The following DGLUCY variants were observed in gnomAD, a reference collection of about 807,000 sequenced individuals.
DGLUCY encodes the protein D-glutamate cyclase, mitochondrial.
DGLUCY carries 58 observed loss-of-function variants against 58.5 expected under a neutral mutation model. That is an observed-to-expected ratio of 0.99 (90% CI 0.80 to 1.23). The LOEUF (loss-of-function observed/expected upper bound fraction) is 1.23, where lower values mean the gene tolerates loss of function less well. DGLUCY is among the 50% of genes most tolerant of loss of function. The pLI is 0.00. For synonymous variants in DGLUCY, 325 were observed against 314.1 expected (o/e 1.03, Z -0.37); for missense variants, 779 against 784.7 (o/e 0.99, Z 0.09).
intron 11 of DGLUCY, among the ~76,000 whole-genome samples, chr14:91,201,168 G>A (rs572631104): frequency 4.6e-5 from 7 of 152,274 alleles, no homozygotes; most frequent in Admixed American, 1.3e-4. Context: ...CGATGGTGGA[G>A]TGTCATCAGT....
chr14:91,096,513 C>T (rs1268254390), intron 1 of DGLUCY, among the ~76,000 whole-genome samples: 1 of 152,090 alleles, frequency 6.6e-6, no homozygotes, highest in East Asian at 1.9e-4. Context: ...CTCCTGGGGC[C>T]AAGTCAGTAA....
At chr14:91,157,086 GATGGATGA>G (rs1400362075) in intron 1 of DGLUCY, among the ~76,000 whole-genome samples, 5 of 147,242 alleles carry the variant, frequency 3.4e-5, no homozygotes, top group African/African-American at 9.9e-5. Context: ...TGGATGGATG[GATGGATGA>G]ATGGGTGGAT....
chr14:91,177,673 T>C (rs1023104365), intron 7 of DGLUCY, among the ~76,000 whole-genome samples: 9 of 152,270 alleles, frequency 5.9e-5, no homozygotes, highest in African/African-American at 2.2e-4. Flanking sequence ...TGTAAGCACA[T>C]ACTGTAGTGT....
intron 2 of DGLUCY, chr14:91,158,881 G>A (rs2047812774): frequency 6.6e-6 from 1 of 150,400 alleles, no homozygotes. Flanking sequence ...CCAGGCTGGA[G>A]TGCAGTGGCG....
intron 4 of DGLUCY, among the ~76,000 whole-genome samples, chr14:91,169,699 C>T (rs531945007): frequency 6.6e-6 from 1 of 151,390 alleles, no homozygotes; most frequent in South Asian, 2.1e-4. Flanking sequence ...CATGAGCCAC[C>T]GTGCCTGGCC....
chr14:91,160,382 T>A lies in DGLUCY; in HGVS notation c.88T>A (p.Ser30Thr), dbSNP rs2047908055. 3 of 1,377,482 alleles carry A rather than the reference T, an allele frequency of 2.2e-6. No individual in the cohort carries two copies. Among genetic ancestry groups the A allele is most frequent in the African/African-American group, 1.7e-5 (1 of 57,288 alleles). The allele number at this position is 1,377,482 out of a possible 1,614,324, so 85.3% of individuals were successfully genotyped here. The part of the protein sequence containing the change: ...LQKKPNIRNT[S>T]SMAGELRPAS... Reference sequence around the variant, plus strand: ...AAAGAAACCAAACATCAGAAATACATCCAGCATGGCTGGAGGTAAGTGGTG... The same window carrying A: ...AAAGAAACCAAACATCAGAAATACAACCAGCATGGCTGGAGGTAAGTGGTG... The change falls in exon 3 of 14, where the codon TCC becomes ACC. Residue 30 changes from serine (S) to threonine (T), a missense_variant. Physicochemically the swap from Ser to Thr is moderately conservative, Grantham distance 58. Coordinates refer to ENST00000256324, the MANE Select transcript of DGLUCY (RefSeq NM_001102368.3).
chr14:91,148,493 A>C (rs966246208), intron 1 of DGLUCY: 1 of 151,966 alleles, frequency 6.6e-6, no homozygotes, highest in Non-Finnish European at 1.5e-5. Context: ...GGCATGAGCC[A>C]CTGTGCCTGG....
intron 1 of DGLUCY, among the ~76,000 whole-genome samples, chr14:91,132,480 T>G (rs2046076874): frequency 8.7e-6 from 1 of 114,800 alleles, no homozygotes; most frequent in Admixed American, 9.3e-5. Context: ...AACTTTTTCT[T>G]TTTTTTTTTT....
chr14:91,159,968 C>T (rs2047884258), intron 2 of DGLUCY, among the ~76,000 whole-genome samples: 1 of 152,100 alleles, frequency 6.6e-6, no homozygotes, highest in Non-Finnish European at 1.5e-5. Flanking sequence ...GAGCCCAGCA[C>T]CAGCCTTTTG....
intron 9 of DGLUCY, 57 bp from the exon 10 acceptor site, chr14:91,196,318 A>T (rs2071049485): frequency 6.9e-7 from 1 of 1,454,578 alleles, no homozygotes; most frequent in Admixed American, 1.8e-5. Flanking sequence ...AGCCAACGTG[A>T]ATTTCCAAAA....
chr14:91,082,012 G>A (rs1480948475), intron 1 of DGLUCY, among the ~76,000 whole-genome samples: 3 of 152,026 alleles, frequency 2.0e-5, no homozygotes, highest in Admixed American at 1.3e-4. Flanking sequence ...CCAGAAAATC[G>A]AAGATAATAA....
At chr14:91,173,220 T>C in intron 5 of DGLUCY, 69 bp from the exon 6 acceptor site, 1 of 1,564,026 alleles carries the variant, frequency 6.4e-7, no homozygotes, top group Non-Finnish European at 8.7e-7. Flanking sequence ...CTCTTGGTGC[T>C]CAGAGCTTGG....
At chr14:91,119,847 C>CT (rs1156283371) in intron 1 of DGLUCY, among the ~76,000 whole-genome samples, 2 of 152,190 alleles carry the variant, frequency 1.3e-5, no homozygotes, top group Admixed American at 1.3e-4. Context: ...CTGGCTGAGT[C>CT]TTTCAGTCTT....
At chr14:91,129,004 G>A (rs2045883412) in intron 1 of DGLUCY, 1 of 152,112 alleles carries the variant, frequency 6.6e-6, no homozygotes, top group African/African-American at 2.4e-5. Flanking sequence ...CAAATGTTAA[G>A]GGGCTGGGCT....
chr14:91,093,054 A>G (rs1278332231), intron 1 of DGLUCY, among the ~76,000 whole-genome samples: 1 of 151,632 alleles, frequency 6.6e-6, no homozygotes, highest in Non-Finnish European at 1.5e-5. Context: ...ACTGCACTCC[A>G]GCCTGGGCCA....
chr14:91,203,856 T>C (rs2140623198), intron 11 of DGLUCY, among the ~76,000 whole-genome samples: 1 of 152,306 alleles, frequency 6.6e-6, no homozygotes, highest in African/African-American at 2.4e-5. Context: ...TTTGTATTTT[T>C]AGTAGAGGCA....
Position 91,224,724 on chromosome 14 carries a change from G to A in DGLUCY, c.1757G>A (p.Arg586Gln), listed in dbSNP as rs778987969. The change falls in exon 14 of 14, where the codon CGG (arginine) becomes CAG (glutamine). Residue 586 changes from arginine to glutamine, a missense_variant. Physicochemically the swap from Arg to Gln is conservative, Grantham distance 43. Coordinates refer to ENST00000256324, the MANE Select transcript of DGLUCY (RefSeq NM_001102368.3). ...GGCATCTTGGTGCAGCACAAAGTCCGGAGTGGCGTCTCGGGCATCGTGGGC... is the reference window on the plus strand; with the variant it reads ...GGCATCTTGGTGCAGCACAAAGTCCAGAGTGGCGTCTCGGGCATCGTGGGC... ...MLGILVQHKV[R>Q]SGVSGIVGME... The A allele has an allele frequency of 2.2e-5, 36 of 1,612,804 alleles. No individual in the cohort carries two copies. The East Asian group carries it at 3.1e-4, about 14-fold the overall frequency.
At chr14:91,153,781 C>T (rs1034468579) in intron 1 of DGLUCY, among the ~76,000 whole-genome samples, 30 of 152,218 alleles carry the variant, frequency 2.0e-4, no homozygotes, top group African/African-American at 6.5e-4. Context: ...GTATCTAAGA[C>T]AGAGCTCAAT....
chr14:91,064,368 T>C (rs2043783708), intron 1 of DGLUCY, among the ~76,000 whole-genome samples: 1 of 152,074 alleles, frequency 6.6e-6, no homozygotes, highest in African/African-American at 2.4e-5. Context: ...CGGTGGATCA[T>C]GCCTGTAATC....
Sources: gnomAD v4.1 joint callset for allele counts (sites outside exome capture counted in the v4.1 genomes callset) on GRCh38, gnomAD v4.1.1 for gene constraint, MANE v1.5 for transcripts, NCBI Gene and HGNC (gene_info 2026-07-23, HGNC 2026-07-21) for gene names.